The following SLIT3 variants were observed in gnomAD, a reference collection of about 807,000 sequenced individuals.
SLIT3 encodes the protein slit homolog 3 protein.
In SLIT3, 68 loss-of-function variants were observed where a neutral mutation model predicts 184.0. That is an observed-to-expected ratio of 0.37 (90% confidence interval 0.30 to 0.45). The LOEUF (loss-of-function observed/expected upper bound fraction) is 0.45. Among genes scored for constraint, SLIT3 ranks in the 20% least tolerant of loss-of-function variants. SLIT3 has a pLI of 1.00. For synonymous variants in SLIT3, 831 were observed against 828.6 expected, an observed-to-expected ratio of 1.00 and a Z score of -0.05; for missense variants, 1,707 against 2,026.0, an observed-to-expected ratio of 0.84 and a Z score of 3.02.
intron 4 of SLIT3, among the ~76,000 whole-genome samples, chr5:169,008,731 ACTCCAGTGATC>A (rs1756029184): frequency 6.6e-6 from 1 of 151,882 alleles, no homozygotes; most frequent in Non-Finnish European, 1.5e-5. Context: ...AAACTTCTGG[ACTCCAGTGATC>A]CTCCTGCCTT....
Position 169,112,818 on chromosome 5 carries a change from G to A in SLIT3, c.413+80661C>T, listed in dbSNP as rs147880651. 3.3e-3 allele frequency among the ~76,000 whole-genome samples: 504 copies of A among 152,190 alleles called. 1 individual carries two copies. Among genetic ancestry groups the A allele is most frequent in the Middle Eastern group, 6.8e-3 (2 of 294 alleles). On this transcript the variant is annotated intron_variant, in intron 4 of 35. Coordinates refer to ENST00000519560, the MANE Select transcript of SLIT3 (RefSeq NM_003062.4). ...ATCCTCTCTGCTGGGCTGTGGTTTG[G>A]AAGTGCTTAGTTCCCAAAAGCCACA...
chr5:168,886,695 T>C (rs927639910), intron 4 of SLIT3, among the ~76,000 whole-genome samples: 1 of 152,098 alleles, frequency 6.6e-6, no homozygotes, highest in African/African-American at 2.4e-5. Flanking sequence ...AGGTGTGCAG[T>C]ATTTTTCTGG....
chr5:169,219,129 G>C lies in SLIT3; in HGVS notation c.341+25576C>G, dbSNP rs369733069. On this transcript the variant is annotated intron_variant, in intron 3 of 35. Coordinates refer to ENST00000519560, the MANE Select transcript of SLIT3 (RefSeq NM_003062.4). ...TGCCGCCTTAGGACACATTCCCCCA[G>C]GACAGAGGCACACATGAAGCAGCTC... Among the ~76,000 whole-genome samples the C allele has an allele frequency of 1.4e-4, 22 of 152,256 alleles. No individual in the cohort carries two copies. The East Asian group carries it at 2.9e-3, about 20-fold the overall frequency.
At chr5:168,921,478 T>C (rs904186319) in intron 4 of SLIT3, among the ~76,000 whole-genome samples, 1 of 152,194 alleles carries the variant, frequency 6.6e-6, no homozygotes, top group African/African-American at 2.4e-5. Context: ...AAAAGGGTGA[T>C]ATACATCATT....
chr5:169,092,827 C>A (rs892191860), intron 4 of SLIT3, among the ~76,000 whole-genome samples: 3 of 152,238 alleles, frequency 2.0e-5, no homozygotes, highest in Non-Finnish European at 4.4e-5. Context: ...TTCTTCAGAT[C>A]TCCGGCAATT....
rs531047138 is a variant in SLIT3, at chr5:168,748,212, G to A, written c.2270+90C>T. ...GGTCTCCCCCCGGCAGTTTCGCCATGTTGCCTTGCTTGAGATTCTGGGGTA... is the reference window on the plus strand; with the variant it reads ...GGTCTCCCCCCGGCAGTTTCGCCATATTGCCTTGCTTGAGATTCTGGGGTA... On this transcript the variant is annotated intron_variant, in intron 20 of 35. Coordinates refer to ENST00000519560, the MANE Select transcript of SLIT3 (RefSeq NM_003062.4). 4.3e-5 allele frequency: 59 copies of A among 1,378,536 alleles called. 1 individual carries two copies. The East Asian group carries it at 1.3e-3, about 31-fold the overall frequency. The allele number at this position is 1,378,536 out of a possible 1,614,324, so 85.4% of individuals were successfully genotyped here.
intron 4 of SLIT3, among the ~76,000 whole-genome samples, chr5:169,139,888 T>G (rs1391804849): frequency 6.6e-6 from 1 of 152,194 alleles, no homozygotes; most frequent in Non-Finnish European, 1.5e-5. Flanking sequence ...GAACCTGTTC[T>G]GTGCCAGATA....
At chr5:169,135,131 A>G (rs1761455819) in intron 4 of SLIT3, among the ~76,000 whole-genome samples, 2 of 152,154 alleles carry the variant, frequency 1.3e-5, no homozygotes, top group East Asian at 3.8e-4. Flanking sequence ...TTGGAGACGG[A>G]GTCTCACTCT....
chr5:169,066,427 T>C (rs1409701469), intron 4 of SLIT3, among the ~76,000 whole-genome samples: 1 of 152,128 alleles, frequency 6.6e-6, no homozygotes, highest in Admixed American at 6.5e-5. Context: ...ATGGCCAACA[T>C]ATGCATGAAA....
chr5:169,051,651 C>A (rs1757818314), intron 4 of SLIT3, among the ~76,000 whole-genome samples: 1 of 152,212 alleles, frequency 6.6e-6, no homozygotes, highest in Non-Finnish European at 1.5e-5. Flanking sequence ...GATCACAGAG[C>A]AGCCAGCTTT....
intron 7 of SLIT3, among the ~76,000 whole-genome samples, chr5:168,818,571 G>A (rs975414119): frequency 6.6e-6 from 1 of 152,188 alleles, no homozygotes; most frequent in African/African-American, 2.4e-5. Context: ...CTTGCATTTC[G>A]GATGCACATT....
intron 20 of SLIT3, among the ~76,000 whole-genome samples, chr5:168,728,915 C>G (rs1375031116): frequency 6.8e-6 from 1 of 147,290 alleles, no homozygotes; most frequent in African/African-American, 2.5e-5. Context: ...TAGACTCTGT[C>G]TCAAAAAAAA....
At chr5:168,936,221 A>G (rs1161300112) in intron 4 of SLIT3, among the ~76,000 whole-genome samples, 1 of 152,110 alleles carries the variant, frequency 6.6e-6, no homozygotes, top group East Asian at 1.9e-4. Context: ...GCTCATTCAC[A>G]TGCCTTCCTG....
intron 23 of SLIT3, 80 bp from the exon 24 acceptor site, chr5:168,712,434 C>A: frequency 1.6e-6 from 2 of 1,238,324 alleles, no homozygotes. Flanking sequence ...CAGTGCCTGG[C>A]CCTGCCACCC....
chr5:169,107,506 G>A (rs1163319668), intron 4 of SLIT3, among the ~76,000 whole-genome samples: 1 of 152,212 alleles, frequency 6.6e-6, no homozygotes, highest in Non-Finnish European at 1.5e-5. Flanking sequence ...TGAACATGGT[G>A]AGCCAATTGG....
intron 6 of SLIT3, among the ~76,000 whole-genome samples, chr5:168,829,150 C>T (rs909283354): frequency 2.0e-5 from 3 of 152,190 alleles, no homozygotes; most frequent in African/African-American, 7.2e-5. Context: ...GCCACCCCAC[C>T]CTGGCAACCT....
intron 4 of SLIT3, among the ~76,000 whole-genome samples, chr5:168,980,895 A>C (rs1038968454): frequency 6.6e-6 from 1 of 152,246 alleles, no homozygotes; most frequent in Non-Finnish European, 1.5e-5. Flanking sequence ...TAAAGTGAAA[A>C]AAATTTGAAT....
At chr5:168,904,709 T>A (rs2113044443) in intron 4 of SLIT3, among the ~76,000 whole-genome samples, 1 of 152,194 alleles carries the variant, frequency 6.6e-6, no homozygotes, top group South Asian at 2.1e-4. Context: ...GACATGTGTG[T>A]GCAATTAGAG....
chr5:169,062,307 G>A (rs1038886028), intron 4 of SLIT3, among the ~76,000 whole-genome samples: 1 of 152,192 alleles, frequency 6.6e-6, no homozygotes, highest in African/African-American at 2.4e-5. Flanking sequence ...AGTGACATAA[G>A]ATAAATCTAC....
Sources: gnomAD v4.1 joint callset for allele counts (sites outside exome capture counted in the v4.1 genomes callset) on GRCh38, gnomAD v4.1.1 for gene constraint, MANE v1.5 for transcripts, NCBI Gene and HGNC (gene_info 2026-07-23, HGNC 2026-07-21) for gene names.